Variants in CAP2 observed in about 807,000 individuals in gnomAD.
CAP2 encodes adenylyl cyclase-associated protein 2.
Under a neutral mutation model 57.7 loss-of-function variants are expected in CAP2, and 24 were observed. The observed-to-expected ratio is 0.42, with a 90% CI of 0.30 to 0.58. CAP2 has a LOEUF of 0.58. Ranked by LOEUF, CAP2 falls within the 20% of genes least tolerant of loss-of-function variation. The pLI, the probability that CAP2 is intolerant of heterozygous loss-of-function variation, is 0.22. For synonymous variants in CAP2, 194 were observed against 207.2 expected, an observed-to-expected ratio of 0.94 and a Z score of 0.55; for missense variants, 501 against 590.3, an observed-to-expected ratio of 0.85 and a Z score of 1.57.
At chr6:17,461,220 T>C (rs1760712961) in intron 3 of CAP2, among the ~76,000 whole-genome samples, 1 of 33,522 alleles carries the variant, frequency 3.0e-5, no homozygotes, top group Non-Finnish European at 6.8e-5. Context: ...TTTGAAACCT[T>C]TTTTTTTTTC....
rs1441330245 is a variant in CAP2, at chr6:17,507,657, C to T, written c.461C>T (p.Pro154Leu). The change falls in exon 6 of 13, where the codon CCT becomes CTT. Residue 154 changes from proline (P) to leucine (L), a missense_variant. Transcript: ENST00000229922. ...TTTTCTCAGTCTCCCAAACCTGGTC[C>T]TTATGTCAAGGAGATGAATGACGCT... ...GWIAVSPKPG[P>L]YVKEMNDAAT... The T allele has an allele frequency of 1.2e-6, 2 of 1,607,738 alleles. No homozygotes were observed. The highest frequency in any genetic ancestry group is 2.2e-5 in the South Asian group (2 of 90,904).
intron 1 of CAP2, among the ~76,000 whole-genome samples, chr6:17,400,878 A>C (rs543700113): frequency 3.4e-4 from 52 of 152,200 alleles, no homozygotes; most frequent in Non-Finnish European, 7.4e-4. Context: ...AAAAAAAAAA[A>C]AAGAATCACT....
intron 7 of CAP2, 71 bp from the exon 8 acceptor site, chr6:17,539,198 C>T: frequency 6.9e-7 from 1 of 1,450,824 alleles, no homozygotes; most frequent in Admixed American, 2.1e-5. Context: ...CAGGTTTCGA[C>T]TCTCTCGGGC....
intron 1 of CAP2, among the ~76,000 whole-genome samples, chr6:17,399,565 A>AT (rs1333802787): frequency 6.6e-6 from 1 of 152,186 alleles, no homozygotes; most frequent in Non-Finnish European, 1.5e-5. Context: ...ACTATTATGA[A>AT]TGGGGTCTTC....
rs115016770 is a variant in CAP2, at chr6:17,474,930, C to T, written c.300+11857C>T. Among the ~76,000 whole-genome samples the T allele has an allele frequency of 1.7e-3, 257 of 152,242 alleles. 2 individuals are homozygous for T. Among genetic ancestry groups the T allele is most frequent in the African/African-American group, 5.9e-3 (245 of 41,550 alleles). ...AGCTAGGTTCGGCCAGGCACAGTAACTCACACCTGCAATCCCAGCACTTTG... is the reference window on the plus strand; with the variant it reads ...AGCTAGGTTCGGCCAGGCACAGTAATTCACACCTGCAATCCCAGCACTTTG... On this transcript the variant is annotated intron_variant, in intron 4 of 12. Transcript: ENST00000229922.
intron 3 of CAP2, among the ~76,000 whole-genome samples, chr6:17,461,200 C>T (rs555750586): frequency 1.4e-5 from 2 of 147,884 alleles, no homozygotes; most frequent in African/African-American, 5.0e-5. Flanking sequence ...AAAAAAAAAA[C>T]CCTGTAATCT....
At chr6:17,486,839 C>G (rs1183382152) in intron 4 of CAP2, among the ~76,000 whole-genome samples, 1 of 152,200 alleles carries the variant, frequency 6.6e-6, no homozygotes, top group Non-Finnish European at 1.5e-5. Flanking sequence ...CATTCCGTGT[C>G]CTGTGGACAT....
At chr6:17,399,382 A>AG (rs548750186) in intron 1 of CAP2, among the ~76,000 whole-genome samples, 2 of 152,108 alleles carry the variant, frequency 1.3e-5, no homozygotes, top group Non-Finnish European at 2.9e-5. Context: ...TTTTATATCC[A>AG]GGGGAATTCC....
intron 1 of CAP2, among the ~76,000 whole-genome samples, chr6:17,398,073 C>T (rs1259919688): frequency 1.3e-5 from 2 of 152,082 alleles, no homozygotes; most frequent in African/African-American, 4.8e-5. Context: ...AAAGTATTTC[C>T]CAACGTTTTA....
At chr6:17,498,247 C>T (rs567408986) in intron 4 of CAP2, among the ~76,000 whole-genome samples, 25 of 152,074 alleles carry the variant, frequency 1.6e-4, no homozygotes, top group African/African-American at 5.5e-4. Flanking sequence ...TGGGAAGTGA[C>T]AAAAAAACGT....
At chr6:17,443,751 T>C (rs995736150) in intron 3 of CAP2, among the ~76,000 whole-genome samples, 2 of 152,248 alleles carry the variant, frequency 1.3e-5, no homozygotes, top group Non-Finnish European at 2.9e-5. Flanking sequence ...TATATTACTA[T>C]GCATAAAGCA....
chr6:17,404,064 G>A (rs1181913232), intron 1 of CAP2, among the ~76,000 whole-genome samples: 1 of 152,230 alleles, frequency 6.6e-6, no homozygotes, highest in African/African-American at 2.4e-5. Context: ...CCAAGGGTCA[G>A]TAATTGTGGC....
At chr6:17,443,631 C>T (rs1760158329) in intron 3 of CAP2, among the ~76,000 whole-genome samples, 1 of 151,098 alleles carries the variant, frequency 6.6e-6, no homozygotes, top group Non-Finnish European at 1.5e-5. Flanking sequence ...TCTATGAATT[C>T]CTCATGATAT....
At chr6:17,469,163 G>A (rs567097297) in intron 4 of CAP2, among the ~76,000 whole-genome samples, 1 of 152,316 alleles carries the variant, frequency 6.6e-6, no homozygotes, top group Non-Finnish European at 1.5e-5. Context: ...TGCCTTGATG[G>A]GCACCACCCC....
chr6:17,438,730 C>T (rs1409553378), intron 3 of CAP2, among the ~76,000 whole-genome samples: 3 of 147,640 alleles, frequency 2.0e-5, no homozygotes, highest in Non-Finnish European at 4.4e-5. Context: ...TGAGCCACCG[C>T]ACCCGGCCCA....
chr6:17,437,129 A>G (rs1335431361), intron 3 of CAP2, among the ~76,000 whole-genome samples: 1 of 152,190 alleles, frequency 6.6e-6, no homozygotes, highest in Non-Finnish European at 1.5e-5. Context: ...ATATATTACA[A>G]TATAATAATA....
Position 17,505,518 on chromosome 6 carries a change from T to A in CAP2, c.301-1651T>A, listed in dbSNP as rs148911763. Among the ~76,000 whole-genome samples, 740 of 152,356 alleles carry A rather than the reference T, an allele frequency of 4.9e-3. 2 individuals are homozygous for A. The highest frequency in any genetic ancestry group is 7.9e-3 in the Non-Finnish European group (540 of 68,038). On this transcript the variant is annotated intron_variant, in intron 4 of 12. Transcript: ENST00000229922. Reference sequence around the variant, plus strand: ...GCTAGGGGTGGAACCCAGGCCTTAGTGGTTTTTAAAAACCCCAAGGTGGTT... The same window carrying A: ...GCTAGGGGTGGAACCCAGGCCTTAGAGGTTTTTAAAAACCCCAAGGTGGTT...
At chr6:17,476,741 C>G (rs987648861) in intron 4 of CAP2, among the ~76,000 whole-genome samples, 1 of 152,056 alleles carries the variant, frequency 6.6e-6, no homozygotes, top group African/African-American at 2.4e-5. Context: ...GAAAGATAAT[C>G]CTATCCCTGT....
At position 17,460,411 on chromosome 6, in the gene CAP2, TAAC is replaced by T. The variant is rs138332065; in HGVS notation, c.223-2581_223-2579del. On this transcript the variant is annotated intron_variant, in intron 3 of 12. Transcript: ENST00000229922. ...TTTGCATAAATGCAGAACTAATACT[TAAC>T]AACTGTGTACACTAATACTACAGAT... Among the ~76,000 whole-genome samples, 666 of 152,318 alleles carry T rather than the reference TAAC, an allele frequency of 4.4e-3. 5 individuals carry two copies. The highest frequency in any genetic ancestry group is 0.015 in the African/African-American group (628 of 41,564).
Sources: allele counts gnomAD v4.1 joint callset (sites outside exome capture counted in the v4.1 genomes callset), GRCh38; gene constraint gnomAD v4.1.1; transcripts MANE v1.5; gene names NCBI Gene and HGNC (gene_info 2026-07-23, HGNC 2026-07-21).